Variants in KCTD16 observed in about 807,000 individuals in gnomAD.
The protein encoded by KCTD16 is BTB/POZ domain-containing protein KCTD16.
Under a neutral mutation model 33.2 loss-of-function variants are expected in KCTD16, and 13 were observed. The observed-to-expected ratio is 0.39, with a 90% CI of 0.25 to 0.62. The LOEUF is 0.62. KCTD16 is among the 20% of genes least tolerant of loss of function. The probability of loss-of-function intolerance (pLI) is 0.50; values close to 1 mark genes in which losing one functional copy is unlikely to be tolerated. For synonymous variants in KCTD16, 197 were observed against 195.3 expected (o/e 1.01, Z -0.07); for missense variants, 441 against 525.1 (o/e 0.84, Z 1.57).
chr5:144,268,399 CT>C (rs1376598761), intron 3 of KCTD16, among the ~76,000 whole-genome samples: 2 of 152,104 alleles, frequency 1.3e-5, no homozygotes, highest in Non-Finnish European at 2.9e-5. Context: ...TTTCTACCCC[CT>C]TTTTGTCTCT....
At position 144,190,137 on chromosome 5, in the gene KCTD16, T is replaced by A. The variant is rs80154763; in HGVS notation, c.-327+15665T>A. Reference sequence around the variant, plus strand: ...TCTTTCCTCTGTGTCTCCTTAACGCTATTATACCTCTATTATAGCTCCTAT... The same window carrying A: ...TCTTTCCTCTGTGTCTCCTTAACGCAATTATACCTCTATTATAGCTCCTAT... On this transcript the variant is annotated intron_variant, in intron 2 of 3. Transcript: ENST00000512467. Among the ~76,000 whole-genome samples, 152 of 152,344 alleles carry A rather than the reference T, an allele frequency of 1.0e-3. 2 individuals carry two copies. The East Asian group carries it at 0.018, about 18-fold the overall frequency.
At chr5:144,450,390 G>A (rs972330536) in intron 3 of KCTD16, among the ~76,000 whole-genome samples, 1 of 152,006 alleles carries the variant, frequency 6.6e-6, no homozygotes, top group Non-Finnish European at 1.5e-5. Context: ...ACAATGTGAA[G>A]TTTCCTTAAA....
At chr5:144,200,929 G>T (rs897462604) in intron 2 of KCTD16, among the ~76,000 whole-genome samples, 1 of 152,084 alleles carries the variant, frequency 6.6e-6, no homozygotes, top group Non-Finnish European at 1.5e-5. Context: ...ATGTATTTTT[G>T]TAGAGACAGG....
rs60786617 is a variant in KCTD16 at position 144,407,201 on chromosome 5, GT to G, written c.833-66443del. Among the ~76,000 whole-genome samples, 383 of 142,454 alleles carry G rather than the reference GT, an allele frequency of 2.7e-3. 1 individual carries two copies. The highest frequency in any genetic ancestry group is 0.011 in the Middle Eastern group (3 of 266). 93.5% of individuals were successfully genotyped at this position (142,454 alleles called of 152,430 possible). A position where few individuals can be genotyped will look rare whatever the true frequency, so the allele number is the denominator to read the frequency against. ...TTCATCTTTTTTTAAAAAAATTCCT[GT>G]TTTTTTTTTTTTTTTAAACTATGTC... On this transcript the variant is annotated intron_variant, in intron 3 of 3. Transcript: ENST00000512467.
At position 144,259,303 on chromosome 5, in the gene KCTD16, G is replaced by C. The variant is rs1247932135; in HGVS notation, c.832+51757G>C. 1.4e-5 allele frequency among the ~76,000 whole-genome samples: 2 copies of C among 147,116 alleles called. 1 individual carries two copies. The highest frequency in any genetic ancestry group is 3.0e-5 in the Non-Finnish European group (2 of 66,612). On this transcript the variant is annotated intron_variant, in intron 3 of 3. Coordinates refer to ENST00000512467, the MANE Select transcript of KCTD16 (RefSeq NM_020768.4). ...AAAAAAAGGGATGAAGCATGTCCTT[G>C]GGAAAACAGTCAATGAATGAGCAGA...
chr5:144,201,486 A>T lies in KCTD16; in HGVS notation c.-326-4903A>T, dbSNP rs377541399. 2.6e-5 allele frequency among the ~76,000 whole-genome samples: 4 copies of T among 152,378 alleles called. No homozygotes were observed. The East Asian group carries it at 5.8e-4, about 22-fold the overall frequency. ...TTCTTTATGCCTCAATTGGAGTTTAACAACAATGAATACAGATATTTTAAA... is the reference window on the plus strand; with the variant it reads ...TTCTTTATGCCTCAATTGGAGTTTATCAACAATGAATACAGATATTTTAAA... On this transcript the variant is annotated intron_variant, in intron 2 of 3. Transcript: ENST00000512467.
At chr5:144,445,285 C>T (rs1753796249) in intron 3 of KCTD16, among the ~76,000 whole-genome samples, 1 of 151,970 alleles carries the variant, frequency 6.6e-6, no homozygotes. Context: ...AAACAACTGT[C>T]ATCTAAATCT....
At chr5:144,309,605 G>A (rs900302483) in intron 3 of KCTD16, among the ~76,000 whole-genome samples, 1 of 152,156 alleles carries the variant, frequency 6.6e-6, no homozygotes, top group Non-Finnish European at 1.5e-5. Context: ...CCAAATATTA[G>A]TATTCAATCC....
At chr5:144,394,453 C>T (rs1197815877) in intron 3 of KCTD16, among the ~76,000 whole-genome samples, 1 of 152,142 alleles carries the variant, frequency 6.6e-6, no homozygotes, top group African/African-American at 2.4e-5. Context: ...CATTGTGTTG[C>T]CATAGTTGTT....
chr5:144,319,922 A>G (rs1203211478), intron 3 of KCTD16, among the ~76,000 whole-genome samples: 1 of 152,136 alleles, frequency 6.6e-6, no homozygotes, highest in East Asian at 1.9e-4. Context: ...AAATATACTT[A>G]TAAATATTAT....
intron 3 of KCTD16, among the ~76,000 whole-genome samples, chr5:144,311,697 T>A (rs1049244241): frequency 1.3e-5 from 2 of 152,128 alleles, no homozygotes; most frequent in Non-Finnish European, 2.9e-5. Flanking sequence ...TTGTTTTCCA[T>A]AAATACAACT....
chr5:144,178,124 T>A (rs1443339986), intron 2 of KCTD16, among the ~76,000 whole-genome samples: 1 of 152,234 alleles, frequency 6.6e-6, no homozygotes, highest in East Asian at 1.9e-4. Context: ...CTGGAATATT[T>A]TTCATCAGAC....
chr5:144,446,620 A>G (rs1046914133), intron 3 of KCTD16, among the ~76,000 whole-genome samples: 1 of 152,172 alleles, frequency 6.6e-6, no homozygotes, highest in Admixed American at 6.6e-5. Context: ...TGAACAGGCA[A>G]CCTACAGAAT....
intron 3 of KCTD16, among the ~76,000 whole-genome samples, chr5:144,345,289 G>A (rs967246579): frequency 8.6e-5 from 13 of 151,644 alleles, no homozygotes; most frequent in Admixed American, 8.6e-4. Flanking sequence ...CACCAGCATG[G>A]CACATGTATA....
chr5:144,179,663 T>A (rs924057485), intron 2 of KCTD16, among the ~76,000 whole-genome samples: 1 of 152,248 alleles, frequency 6.6e-6, no homozygotes. Context: ...AGTATCAGAT[T>A]CACCATTGAA....
chr5:144,459,121 C>A (rs1754137295), intron 3 of KCTD16, among the ~76,000 whole-genome samples: 1 of 152,134 alleles, frequency 6.6e-6, no homozygotes, highest in African/African-American at 2.4e-5. Flanking sequence ...CATCTTCTGT[C>A]AGAAAGTAAT....
At chr5:144,463,989 G>A (rs1010181208) in intron 3 of KCTD16, among the ~76,000 whole-genome samples, 7 of 152,120 alleles carry the variant, frequency 4.6e-5, no homozygotes, top group South Asian at 2.1e-4. Flanking sequence ...ATACATGTTC[G>A]GCACAGCTGC....
intron 3 of KCTD16, among the ~76,000 whole-genome samples, chr5:144,287,564 G>C (rs1417199071): frequency 6.6e-6 from 1 of 152,100 alleles, no homozygotes; most frequent in Non-Finnish European, 1.5e-5. Context: ...TGGTTGTCAG[G>C]TTCTATGCTT....
chr5:144,341,462 T>C (rs831414), intron 3 of KCTD16, among the ~76,000 whole-genome samples: 37,826 of 152,168 alleles, frequency 0.25, 4,871 homozygotes, highest in Non-Finnish European at 0.28. Flanking sequence ...CCCTCTCTAT[T>C]GTGAATCTGA....
Sources: gnomAD v4.1 joint callset for allele counts (sites outside exome capture counted in the v4.1 genomes callset) on GRCh38, gnomAD v4.1.1 for gene constraint, MANE v1.5 for transcripts, NCBI Gene and HGNC (gene_info 2026-07-23, HGNC 2026-07-21) for gene names.